The following SIL1 variants were observed in gnomAD, a reference collection of about 807,000 sequenced individuals.
The protein encoded by SIL1 is SIL1 nucleotide exchange factor.
A neutral mutation model predicts 49.1 loss-of-function variants in SIL1; 40 were observed. The observed-to-expected ratio is 0.81, with a 90% CI of 0.63 to 1.06. SIL1 has a LOEUF of 1.06. SIL1 is among the 50% of genes least tolerant of loss of function. SIL1 has a pLI of 0.00. For synonymous variants in SIL1, 253 were observed against 250.8 expected (o/e 1.01, Z -0.08); for missense variants, 500 against 572.6 (o/e 0.87, Z 1.29).
At chr5:139,141,646 C>T (rs1267717939) in intron 1 of SIL1, among the ~76,000 whole-genome samples, 3 of 152,058 alleles carry the variant, frequency 2.0e-5, no homozygotes, top group Non-Finnish European at 4.4e-5. Context: ...AATAGCGAGA[C>T]CCCTATCTTT....
intron 3 of SIL1, among the ~76,000 whole-genome samples, chr5:139,099,444 A>G (rs1322082349): frequency 6.6e-6 from 1 of 152,246 alleles, no homozygotes; most frequent in Admixed American, 6.5e-5. Flanking sequence ...CCAAAAGAAA[A>G]GAAATCAGTA....
At chr5:139,127,144 G>A (rs915124623) in intron 2 of SIL1, among the ~76,000 whole-genome samples, 2 of 152,224 alleles carry the variant, frequency 1.3e-5, no homozygotes, top group East Asian at 3.8e-4. Flanking sequence ...GGTTAATGAA[G>A]TGTGGCCCAG....
chr5:139,062,467 G>A (rs991169396), intron 3 of SIL1, among the ~76,000 whole-genome samples: 9 of 151,968 alleles, frequency 5.9e-5, no homozygotes, highest in African/African-American at 1.9e-4. Context: ...CATGAAAGCC[G>A]CTCAGAAAAA....
intron 3 of SIL1, among the ~76,000 whole-genome samples, chr5:139,067,104 T>C (rs1769723175): frequency 6.6e-6 from 1 of 152,148 alleles, no homozygotes; most frequent in Non-Finnish European, 1.5e-5. Context: ...CAAAGATGAG[T>C]GAGCATTATG....
At position 139,170,636 on chromosome 5, in the gene SIL1, C is replaced by T. The variant is rs547577140; in HGVS notation, c.-11+27633G>A. On this transcript the variant is annotated intron_variant, in intron 1 of 9. Transcript: ENST00000394817. Reference sequence around the variant, plus strand: ...GTGAGGAGACCCTCTGCCTGGCAACCGCCCCATCTGAGAAGTGAGGAGCCC... The same window carrying T: ...GTGAGGAGACCCTCTGCCTGGCAACTGCCCCATCTGAGAAGTGAGGAGCCC... Among the ~76,000 whole-genome samples the T allele has an allele frequency of 4.8e-4, 72 of 150,790 alleles. 1 individual carries two copies. The Middle Eastern group carries it at 0.014, about 29-fold the overall frequency.
At chr5:139,075,429 T>C (rs1048801570) in intron 3 of SIL1, among the ~76,000 whole-genome samples, 1 of 152,202 alleles carries the variant, frequency 6.6e-6, no homozygotes, top group Admixed American at 6.5e-5. Flanking sequence ...TCTGAGTATG[T>C]AGCAACCACT....
chr5:139,198,100 A>G (rs1752315527), intron 1 of SIL1, among the ~76,000 whole-genome samples, 169 bp downstream of exon 1: 1 of 152,234 alleles, frequency 6.6e-6, no homozygotes, highest in African/African-American at 2.4e-5. Flanking sequence ...GGCCTTCGGC[A>G]GGGAGCCCCG....
chr5:139,031,434 G>A (rs550872753), intron 5 of SIL1, among the ~76,000 whole-genome samples: 1 of 152,162 alleles, frequency 6.6e-6, no homozygotes, highest in Middle Eastern at 3.4e-3. Context: ...ATTAGTGTGG[G>A]TCTATTTCTA....
chr5:138,982,606 C>T (rs910420877), intron 7 of SIL1, among the ~76,000 whole-genome samples: 1 of 152,190 alleles, frequency 6.6e-6, no homozygotes, highest in African/African-American at 2.4e-5. Flanking sequence ...GAATATTCCC[C>T]ACTTCAAGTA....
intron 1 of SIL1, among the ~76,000 whole-genome samples, chr5:139,150,705 T>G (rs1041240633): frequency 9.2e-5 from 14 of 152,158 alleles, no homozygotes; most frequent in African/African-American, 3.4e-4. Flanking sequence ...TCTTCTTCGG[T>G]TGAAGAGAGG....
intron 3 of SIL1, among the ~76,000 whole-genome samples, chr5:139,110,600 C>G (rs541826741): frequency 6.6e-6 from 1 of 152,320 alleles, no homozygotes; most frequent in African/African-American, 2.4e-5. Context: ...CCCACATGAA[C>G]AGAAATATAA....
chr5:138,962,161 G>A (rs1580985965), intron 7 of SIL1, among the ~76,000 whole-genome samples: 1 of 151,618 alleles, frequency 6.6e-6, no homozygotes, highest in South Asian at 2.1e-4. Flanking sequence ...CGTGCACCAC[G>A]CCAGTTTGCT....
intron 3 of SIL1, among the ~76,000 whole-genome samples, chr5:139,069,917 C>T (rs1769792695): frequency 6.6e-6 from 1 of 152,068 alleles, no homozygotes; most frequent in African/African-American, 2.4e-5. Context: ...ATGTAAAGAA[C>T]ACTGACAAAG....
At chr5:139,080,851 T>C (rs750585842) in intron 3 of SIL1, among the ~76,000 whole-genome samples, 5 of 152,214 alleles carry the variant, frequency 3.3e-5, no homozygotes, top group Admixed American at 1.3e-4. Context: ...CTATATTTAA[T>C]ATTTGGAACC....
In SIL1 at chr5:139,145,447, A is replaced by G. The variant is rs138413250; in HGVS notation, c.-10-17594T>C. 7.9e-5 allele frequency among the ~76,000 whole-genome samples: 12 copies of G among 152,326 alleles called. 1 individual carries two copies. Among genetic ancestry groups the G allele is most frequent in the African/African-American group, 2.4e-4 (10 of 41,568 alleles). ...TCAAAAAGCTAAACATAAAATTACC[A>G]TATGACCCAGCAATTCTTTGCTTAA... On this transcript the variant is annotated intron_variant, in intron 1 of 9. Coordinates refer to ENST00000394817, the MANE Select transcript of SIL1 (RefSeq NM_022464.5).
Position 139,101,790 on chromosome 5 carries a change from G to A in SIL1, c.244+19245C>T, listed in dbSNP as rs188102079. On this transcript the variant is annotated intron_variant, in intron 3 of 9. Transcript: ENST00000394817. ...GATGATGACAATGTGAGGTCTCTGG[G>A]GACCTTACGATCTTGGCACAAAACA... Among the ~76,000 whole-genome samples the A allele has an allele frequency of 4.2e-3, 635 of 152,228 alleles. 7 individuals carry two copies. Among genetic ancestry groups the A allele is most frequent in the African/African-American group, 0.01 (422 of 41,516 alleles).
At chr5:139,113,106 G>T (rs945850822) in intron 3 of SIL1, among the ~76,000 whole-genome samples, 2 of 151,670 alleles carry the variant, frequency 1.3e-5, no homozygotes, top group African/African-American at 4.8e-5. Flanking sequence ...CAGCATGCTC[G>T]TTAAGAGTCA....
chr5:139,027,736 AAG>A (rs1768692882), intron 5 of SIL1, among the ~76,000 whole-genome samples: 1 of 152,214 alleles, frequency 6.6e-6, no homozygotes, highest in Non-Finnish European at 1.5e-5. Context: ...CCAATTTGAG[AAG>A]ATAGTGCCTA....
At chr5:139,024,950 AC>A (rs1303058196) in intron 6 of SIL1, among the ~76,000 whole-genome samples, 1 of 152,098 alleles carries the variant, frequency 6.6e-6, no homozygotes, top group African/African-American at 2.4e-5. Context: ...CCGGGCTTCC[AC>A]ACTTGCTCTT....
Sources: gnomAD v4.1 joint callset for allele counts (sites outside exome capture counted in the v4.1 genomes callset) on GRCh38, gnomAD v4.1.1 for gene constraint, MANE v1.5 for transcripts, NCBI Gene and HGNC (gene_info 2026-07-23, HGNC 2026-07-21) for gene names.